SLC4A7: variants seen among roughly 807,000 people sequenced by gnomAD.
The protein encoded by SLC4A7 is sodium bicarbonate cotransporter 3.
A neutral mutation model predicts 137.6 loss-of-function variants in SLC4A7; 51 were observed. That is an observed-to-expected ratio of 0.37 (90% CI 0.30 to 0.47). SLC4A7 has a LOEUF of 0.47. Among genes scored for constraint, SLC4A7 ranks in the 20% least tolerant of loss-of-function variants. The probability of loss-of-function intolerance (pLI) is 1.00; values close to 1 mark genes in which losing one functional copy is unlikely to be tolerated. For synonymous variants in SLC4A7, 542 were observed against 518.6 expected, an observed-to-expected ratio of 1.05 and a Z score of -0.61; for missense variants, 1,247 against 1,525.4, an observed-to-expected ratio of 0.82 and a Z score of 3.04.
intron 23 of SLC4A7, among the ~76,000 whole-genome samples, chr3:27,384,664 C>G (rs188430996): frequency 6.6e-6 from 1 of 152,140 alleles, no homozygotes; most frequent in Non-Finnish European, 1.5e-5. Context: ...TTGAAAAAAT[C>G]ATGAAAAACT....
chr3:27,437,376 T>G lies in SLC4A7; in HGVS notation c.428+12A>C. 1 of 1,539,494 alleles carries G rather than the reference T, an allele frequency of 6.5e-7. No homozygotes were observed. Among genetic ancestry groups the G allele is most frequent in the East Asian group, 2.4e-5 (1 of 42,000 alleles). On this transcript the variant is annotated intron_variant, in intron 4 of 25. Coordinates refer to ENST00000454389, the MANE Select transcript of SLC4A7 (RefSeq NM_001321103.2). Reference sequence around the variant, plus strand: ...CAAAAAAAAAAAAGAGAGAGAGACTTAGCAGTATTACCTAGCAGTTTCTTT... The same window carrying G: ...CAAAAAAAAAAAAGAGAGAGAGACTGAGCAGTATTACCTAGCAGTTTCTTT...
At chr3:27,472,375 G>A (rs566428450) in intron 1 of SLC4A7, among the ~76,000 whole-genome samples, 135 of 152,266 alleles carry the variant, frequency 8.9e-4, no homozygotes, top group Middle Eastern at 3.4e-3. Flanking sequence ...ATCACCCGAG[G>A]TCAGAAGTTC....
Position 27,409,406 on chromosome 3 carries a change from G to A in SLC4A7, c.1891C>T (p.Pro631Ser). The part of the protein sequence containing the change: ...ILFLYCACMS[P>S]VITFGGLLGE... ...AGCAGCCCTCCAAAAGTGATTACAG[G>A]AGACATACAGGCACAGTATAGGAAA... The change falls in exon 13 of 26, where the codon CCT becomes TCT. Residue 631 changes from proline (P) to serine (S), a missense_variant. Physicochemically the swap from Pro to Ser is moderately conservative, Grantham distance 74. Around this residue, in one of 6 missense-constraint regions of SLC4A7, gnomAD observed 499 missense variants for 664.2 expected, o/e 0.75. Coordinates refer to ENST00000454389, the MANE Select transcript of SLC4A7 (RefSeq NM_001321103.2). 1.2e-6 allele frequency: 2 copies of A among 1,613,660 alleles called. No homozygotes were observed. Among genetic ancestry groups the A allele is most frequent in the Non-Finnish European group, 1.7e-6 (2 of 1,179,762 alleles).
chr3:27,401,015 G>A, intron 15 of SLC4A7, 146 bp from the exon 16 acceptor site: 3 of 493,898 alleles, frequency 6.1e-6, no homozygotes, highest in Non-Finnish European at 1.1e-5. Context: ...AAATACATCA[G>A]AAACAACAGA....
intron 8 of SLC4A7, chr3:27,423,825 G>GTTA (rs1403065145): frequency 2.1e-5 from 10 of 465,854 alleles, no homozygotes; most frequent in Non-Finnish European, 3.0e-5. Flanking sequence ...CACTAGTAAT[G>GTTA]GTGTAAAGTT....
intron 23 of SLC4A7, among the ~76,000 whole-genome samples, chr3:27,383,768 A>G (rs2050669495): frequency 6.6e-6 from 1 of 152,164 alleles, no homozygotes; most frequent in African/African-American, 2.4e-5. Flanking sequence ...ACAATCAAAA[A>G]TATCTCAGAA....
At chr3:27,439,938 A>G (rs2057057234) in intron 3 of SLC4A7, among the ~76,000 whole-genome samples, 1 of 152,208 alleles carries the variant, frequency 6.6e-6, no homozygotes, top group African/African-American at 2.4e-5. Flanking sequence ...TATCATGGAT[A>G]GGTATTGAAT....
chr3:27,420,260 G>A (rs1317370355), intron 10 of SLC4A7, among the ~76,000 whole-genome samples: 1 of 152,140 alleles, frequency 6.6e-6, no homozygotes, highest in Non-Finnish European at 1.5e-5. Flanking sequence ...CAGCACTGAT[G>A]TTTGGCAAGA....
intron 13 of SLC4A7, among the ~76,000 whole-genome samples, chr3:27,406,236 G>T (rs1056183775): frequency 1.3e-5 from 2 of 152,144 alleles, no homozygotes; most frequent in Non-Finnish European, 2.9e-5. Flanking sequence ...TGAAATGGCG[G>T]TGATGATAAC....
intron 3 of SLC4A7, among the ~76,000 whole-genome samples, chr3:27,438,914 G>A (rs1385628108): frequency 6.6e-6 from 1 of 152,170 alleles, no homozygotes; most frequent in Non-Finnish European, 1.5e-5. Context: ...TCACTACGAA[G>A]AACAGATAAC....
intron 1 of SLC4A7, among the ~76,000 whole-genome samples, chr3:27,463,731 C>CG (rs1362897849): frequency 2.0e-5 from 3 of 151,900 alleles, no homozygotes; most frequent in Non-Finnish European, 4.4e-5. Context: ...CCATTTGCAG[C>CG]GGGGAAGAGC....
chr3:27,386,917 G>C (rs186707250), intron 22 of SLC4A7, among the ~76,000 whole-genome samples: 1 of 152,058 alleles, frequency 6.6e-6, no homozygotes, highest in African/African-American at 2.4e-5. Flanking sequence ...TTAGCTTCCA[G>C]TATACATTTA....
At chr3:27,428,960 C>T (rs113648422) in intron 7 of SLC4A7, among the ~76,000 whole-genome samples, 1,618 of 152,150 alleles carry the variant, frequency 0.011, 10 homozygotes, top group South Asian at 0.02. Context: ...AATTTTCATA[C>T]TTTATAGCCC....
intron 1 of SLC4A7, among the ~76,000 whole-genome samples, chr3:27,455,177 G>C (rs1284823408): frequency 2.6e-5 from 4 of 152,138 alleles, no homozygotes; most frequent in Non-Finnish European, 5.9e-5. Flanking sequence ...TGTGTCAATA[G>C]TAAGGAGACA....
chr3:27,384,362 T>C (rs904054039), intron 23 of SLC4A7, among the ~76,000 whole-genome samples: 2 of 152,162 alleles, frequency 1.3e-5, no homozygotes, highest in Non-Finnish European at 2.9e-5. Context: ...AATGCTAACA[T>C]GACAGCTGGA....
intron 6 of SLC4A7, chr3:27,433,213 TAC>T (rs1280230863): frequency 6.6e-6 from 1 of 152,218 alleles, no homozygotes; most frequent in African/African-American, 2.4e-5. Context: ...AGTAGCAGCT[TAC>T]AGCAACTACT....
chr3:27,469,689 G>T (rs1260520698), intron 1 of SLC4A7, among the ~76,000 whole-genome samples: 1 of 152,058 alleles, frequency 6.6e-6, no homozygotes, highest in Admixed American at 6.6e-5. Context: ...GGAAGCAGAG[G>T]TTGCAGTGAG....
intron 25 of SLC4A7, among the ~76,000 whole-genome samples, chr3:27,378,561 T>C (rs755208452): frequency 2.1e-4 from 32 of 152,154 alleles, no homozygotes; most frequent in Admixed American, 5.9e-4. Flanking sequence ...AGAAAAAAGG[T>C]TACATAACAA....
chr3:27,441,270 G>A (rs977807316), intron 3 of SLC4A7, among the ~76,000 whole-genome samples: 3 of 152,146 alleles, frequency 2.0e-5, no homozygotes, highest in Non-Finnish European at 4.4e-5. Context: ...TTTGTCCGTA[G>A]TTGTATTTTT....
Sources: allele counts gnomAD v4.1 joint callset (sites outside exome capture counted in the v4.1 genomes callset), GRCh38; gene constraint gnomAD v4.1.1; regional missense constraint gnomAD v4.1.1; transcripts MANE v1.5; gene names NCBI Gene and HGNC (gene_info 2026-07-23, HGNC 2026-07-21).